The following TENT4B variants were observed in gnomAD, a reference collection of about 807,000 sequenced individuals.
TENT4B encodes the protein terminal nucleotidyltransferase 4B.
TENT4B carries 10 observed loss-of-function variants against 75.0 expected under a neutral mutation model. The observed-to-expected ratio is 0.13, with a 90% CI of 0.08 to 0.23. The LOEUF is 0.23. Ranked by LOEUF, TENT4B falls within the 10% of genes least tolerant of loss-of-function variation. TENT4B has a pLI of 1.00. For missense variants in TENT4B, 579 were observed against 893.8 expected, an observed-to-expected ratio of 0.65 and a Z score of 4.49; for synonymous variants, 350 against 357.7, an observed-to-expected ratio of 0.98 and a Z score of 0.24.
At position 50,234,371 on chromosome 16, in the gene TENT4B, G is replaced by A. The variant is rs1567519875; in HGVS notation, c.*5043G>A. The A allele has an allele frequency of 1.0e-6, 1 of 985,440 alleles. No homozygotes were observed. The highest frequency in any genetic ancestry group is 1.2e-6 in the Non-Finnish European group (1 of 829,950). The allele number at this position is 985,440 out of a possible 1,614,324, so 61.0% of individuals were successfully genotyped here. A position where few individuals can be genotyped will look rare whatever the true frequency, so the allele number is the denominator to read the frequency against. On this transcript the variant is annotated 3_prime_UTR_variant, in exon 12 of 12. Transcript: ENST00000561678. ...TCTCCAAAGCCAGCAACTTGGTGAA[G>A]TTCAGTACTTGCCTCTTAGAGGTTA...
At chr16:50,159,825 T>C (rs1414883972) in intron 1 of TENT4B, among the ~76,000 whole-genome samples, 3 of 151,410 alleles carry the variant, frequency 2.0e-5, no homozygotes, top group African/African-American at 4.9e-5. Flanking sequence ...AACAATATAA[T>C]TCATATTTAA....
At chr16:50,184,268 T>G (rs572318827) in intron 1 of TENT4B, among the ~76,000 whole-genome samples, 9 of 152,278 alleles carry the variant, frequency 5.9e-5, no homozygotes, top group African/African-American at 2.2e-4. Context: ...TATCATTACT[T>G]TATCCTTTAT....
At chr16:50,170,571 G>T (rs189863391) in intron 1 of TENT4B, among the ~76,000 whole-genome samples, 24 of 152,306 alleles carry the variant, frequency 1.6e-4, no homozygotes, top group Non-Finnish European at 3.1e-4. Flanking sequence ...AAGATGAGCC[G>T]CACTCAGCCT....
chr16:50,170,288 G>C (rs2038181026), intron 1 of TENT4B, among the ~76,000 whole-genome samples: 1 of 151,972 alleles, frequency 6.6e-6, no homozygotes, highest in Admixed American at 6.6e-5. Context: ...CAAAGTGCTG[G>C]GATTACAGGC....
intron 1 of TENT4B, among the ~76,000 whole-genome samples, chr16:50,184,236 G>C (rs1165324306): frequency 1.3e-5 from 2 of 152,090 alleles, no homozygotes; most frequent in South Asian, 2.1e-4. Context: ...ATGTCTTCCA[G>C]GTCCATCTGT....
At chr16:50,205,007 C>T (rs978660746) in intron 1 of TENT4B, among the ~76,000 whole-genome samples, 4 of 152,178 alleles carry the variant, frequency 2.6e-5, no homozygotes, top group African/African-American at 9.7e-5. Flanking sequence ...CGAAGTGTGT[C>T]TGCAAGGCTA....
At chr16:50,179,091 G>A (rs530274981) in intron 1 of TENT4B, among the ~76,000 whole-genome samples, 66 of 152,212 alleles carry the variant, frequency 4.3e-4, no homozygotes, top group African/African-American at 1.5e-3. Flanking sequence ...AGCCGGGTGC[G>A]GTGGCTCACA....
At chr16:50,184,666 C>G (rs952626404) in intron 1 of TENT4B, among the ~76,000 whole-genome samples, 2 of 149,404 alleles carry the variant, frequency 1.3e-5, no homozygotes, top group African/African-American at 4.9e-5. Context: ...GACTCCATCT[C>G]AAAAAGAAAA....
At chr16:50,155,210 C>A (rs1295661667) in intron 1 of TENT4B, among the ~76,000 whole-genome samples, 1 of 151,338 alleles carries the variant, frequency 6.6e-6, no homozygotes, top group East Asian at 1.9e-4. Flanking sequence ...AGAAGAGTCC[C>A]TGTGCTGGAA....
intron 1 of TENT4B, among the ~76,000 whole-genome samples, chr16:50,193,629 C>T (rs545334489): frequency 1.3e-5 from 2 of 152,120 alleles, no homozygotes; most frequent in East Asian, 1.9e-4. Flanking sequence ...TGAGTCACCG[C>T]GCCTGGCCAG....
chr16:50,185,104 A>G (rs2038500729), intron 1 of TENT4B, among the ~76,000 whole-genome samples: 1 of 152,192 alleles, frequency 6.6e-6, no homozygotes, highest in Admixed American at 6.5e-5. Flanking sequence ...TGGTATGACT[A>G]GCAAAGAAGC....
At chr16:50,166,780 A>ATTTTTTTT (rs57856238) in intron 1 of TENT4B, among the ~76,000 whole-genome samples, 67 of 115,262 alleles carry the variant, frequency 5.8e-4, no homozygotes, top group African/African-American at 8.6e-4. Flanking sequence ...TGCCTGGCTA[A>ATTTTTTTT]TTTTTTTTTT....
intron 1 of TENT4B, among the ~76,000 whole-genome samples, chr16:50,182,261 A>G (rs1300270787): frequency 6.6e-6 from 1 of 152,212 alleles, no homozygotes; most frequent in African/African-American, 2.4e-5. Flanking sequence ...CCTGCCATAA[A>G]AAAAGGAGAA....
At chr16:50,174,683 G>T (rs1368278742) in intron 1 of TENT4B, among the ~76,000 whole-genome samples, 1 of 150,218 alleles carries the variant, frequency 6.7e-6, no homozygotes, top group African/African-American at 2.5e-5. Flanking sequence ...TTTCTACCTG[G>T]CTTTATTTTT....
At chr16:50,203,674 T>A (rs1247849183) in intron 1 of TENT4B, among the ~76,000 whole-genome samples, 1 of 152,190 alleles carries the variant, frequency 6.6e-6, no homozygotes, top group Non-Finnish European at 1.5e-5. Context: ...CCACACTGTG[T>A]GAGCATCCAT....
chr16:50,162,451 C>T (rs2038019975), intron 1 of TENT4B, among the ~76,000 whole-genome samples: 1 of 152,140 alleles, frequency 6.6e-6, no homozygotes. Flanking sequence ...TATCCAGTTT[C>T]TCTGCATCCT....
At position 50,225,193 on chromosome 16, in the gene TENT4B, A is replaced by G; in HGVS notation, c.1708A>G (p.Lys570Glu). The G allele has an allele frequency of 6.2e-7, 1 of 1,613,994 alleles. No individual in the cohort carries two copies. The highest frequency in any genetic ancestry group is 8.5e-7 in the Non-Finnish European group (1 of 1,179,838). Reference sequence around the variant, plus strand: ...TGAAGCCCTTGGAAAATGTAGAAGTAAAACCTCGGAATCTCTTAGTAAACA... The same window carrying G: ...TGAAGCCCTTGGAAAATGTAGAAGTGAAACCTCGGAATCTCTTAGTAAACA... Reference protein sequence around the residue: ...ENEALGKCRSKTSESLSKHSS... With the variant: ...ENEALGKCRSETSESLSKHSS... The change falls in exon 10 of 12, where the codon AAA becomes GAA. Residue 570 changes from lysine (K) to glutamate (E), a missense_variant. By Grantham distance (56) the Lys-to-Glu change is moderately conservative. Coordinates refer to ENST00000561678, the MANE Select transcript of TENT4B (RefSeq NM_001365324.3).
chr16:50,181,341 T>C lies in TENT4B; in HGVS notation c.638+27082T>C, dbSNP rs79277866. Among the ~76,000 whole-genome samples the C allele has an allele frequency of 2.3e-3, 349 of 151,914 alleles. 2 individuals carry two copies. Among genetic ancestry groups the C allele is most frequent in the Admixed American group, 4.1e-3 (62 of 15,236 alleles). On this transcript the variant is annotated intron_variant, in intron 1 of 11. Coordinates refer to ENST00000561678, the MANE Select transcript of TENT4B (RefSeq NM_001365324.3). The stretch of plus-strand genomic sequence containing the variant: ...ATGGATTTGAACTTTTTTTTTTTTT[T>C]CCCCTGAGATAGGGTTGCCTAGGCT...
chr16:50,168,321 A>G (rs1202313229), intron 1 of TENT4B, among the ~76,000 whole-genome samples: 8 of 150,850 alleles, frequency 5.3e-5, no homozygotes, highest in Non-Finnish European at 7.4e-5. Flanking sequence ...TTTTTTTGAG[A>G]TGGAGTTTTG....
Sources: gnomAD v4.1 joint callset for allele counts (sites outside exome capture counted in the v4.1 genomes callset) on GRCh38, gnomAD v4.1.1 for gene constraint, MANE v1.5 for transcripts, NCBI Gene and HGNC (gene_info 2026-07-23, HGNC 2026-07-21) for gene names.